The following RANBP2 variants were observed in gnomAD, a reference collection of about 807,000 sequenced individuals.
The protein encoded by RANBP2 is RAN binding protein 2, also known as E3 SUMO-protein ligase RanBP2.
Under a neutral mutation model 303.6 loss-of-function variants are expected in RANBP2, and 57 were observed. The observed-to-expected ratio is 0.19, with a 90% CI of 0.15 to 0.23. The LOEUF (loss-of-function observed/expected upper bound fraction) is 0.23, where lower values mean the gene tolerates loss of function less well. RANBP2 is among the 10% of genes least tolerant of loss of function. RANBP2 has a pLI of 1.00. For missense variants in RANBP2, 3,138 were observed against 3,780.8 expected (o/e 0.83, Z 4.46); for synonymous variants, 1,167 against 1,301.5 (o/e 0.90, Z 2.23).
chr2:109,182,026 A>T, the RANBP2 span, among the ~76,000 whole-genome samples: 1 of 152,342 alleles, frequency 6.6e-6, no homozygotes, highest in East Asian at 1.9e-4. Context: ...CTTCAAAAAA[A>T]TTATCTATGT....
the RANBP2 span, among the ~76,000 whole-genome samples, chr2:108,909,283 G>C: frequency 6.6e-6 from 1 of 152,212 alleles, no homozygotes; most frequent in Non-Finnish European, 1.5e-5. Context: ...ATAAGGCTGG[G>C]CTGGAGGCTG....
chr2:109,481,000 C>T, the RANBP2 span, among the ~76,000 whole-genome samples: 3 of 152,286 alleles, frequency 2.0e-5, no homozygotes, highest in East Asian at 1.9e-4. Context: ...AACTGAAGAG[C>T]CAAGCTGTGT....
the RANBP2 span, among the ~76,000 whole-genome samples, chr2:109,318,515 G>A: frequency 6.6e-4 from 101 of 152,336 alleles, no homozygotes; most frequent in Middle Eastern, 3.4e-3. Flanking sequence ...TTTGGCGACC[G>A]TGGGATAAAC....
At chr2:108,823,823 A>AT in the RANBP2 span, among the ~76,000 whole-genome samples, 1 of 152,164 alleles carries the variant, frequency 6.6e-6, no homozygotes, top group East Asian at 1.9e-4. Flanking sequence ...CTAAAAATAC[A>AT]GAAATTAGTT....
At chr2:109,412,152 C>T in the RANBP2 span, among the ~76,000 whole-genome samples, 2 of 152,236 alleles carry the variant, frequency 1.3e-5, no homozygotes, top group Non-Finnish European at 2.9e-5. Flanking sequence ...AGCCTTCGGC[C>T]GCCGTGGTCC....
the RANBP2 span, among the ~76,000 whole-genome samples, chr2:109,540,452 T>C: frequency 1.3e-5 from 2 of 152,336 alleles, no homozygotes; most frequent in South Asian, 2.1e-4. Context: ...CATAGGGATG[T>C]ATAGTTGAGA....
At chr2:109,259,050 G>C in the RANBP2 span, among the ~76,000 whole-genome samples, 2 of 152,242 alleles carry the variant, frequency 1.3e-5, no homozygotes, top group Non-Finnish European at 2.9e-5. Flanking sequence ...AGAGCCTTGT[G>C]CTGCCAGGGC....
At chr2:109,187,080 TG>T in the RANBP2 span, among the ~76,000 whole-genome samples, 10 of 150,026 alleles carry the variant, frequency 6.7e-5, no homozygotes, top group East Asian at 2.1e-3. Context: ...AAGCATATTT[TG>T]CTAGCATCAT....
the RANBP2 span, among the ~76,000 whole-genome samples, chr2:109,659,280 G>A: frequency 1.3e-5 from 2 of 150,096 alleles, no homozygotes; most frequent in South Asian, 4.2e-4. Flanking sequence ...GGGAGGCTGA[G>A]GCAGGAGAAT....
At chr2:108,725,237 C>T (rs908454557) in intron 1 of RANBP2, among the ~76,000 whole-genome samples, 13 of 152,160 alleles carry the variant, frequency 8.5e-5, no homozygotes, top group African/African-American at 2.9e-4. Flanking sequence ...ATGGGCTGTG[C>T]TCCTTCCTAG....
At chr2:109,200,997 G>T in the RANBP2 span, among the ~76,000 whole-genome samples, 2 of 152,116 alleles carry the variant, frequency 1.3e-5, no homozygotes, top group Admixed American at 1.3e-4. Flanking sequence ...GGACAAAGGG[G>T]CAGCAGCAGC....
the RANBP2 span, among the ~76,000 whole-genome samples, chr2:109,714,357 A>T: frequency 5.3e-5 from 8 of 152,000 alleles, no homozygotes; most frequent in Admixed American, 5.2e-4. Flanking sequence ...GCTGGAGTGC[A>T]GTGGTGTGAT....
chr2:108,887,405 T>A, the RANBP2 span, among the ~76,000 whole-genome samples: 1 of 152,184 alleles, frequency 6.6e-6, no homozygotes, highest in African/African-American at 2.4e-5. Context: ...TTTGATTCTG[T>A]GAAAAGTGAT....
At chr2:109,726,645 C>T in the RANBP2 span, among the ~76,000 whole-genome samples, 1 of 152,114 alleles carries the variant, frequency 6.6e-6, no homozygotes, top group African/African-American at 2.4e-5. Context: ...TCCTGCTAAC[C>T]AAGGAGTCTT....
the RANBP2 span, among the ~76,000 whole-genome samples, chr2:109,003,340 G>A: frequency 6.6e-6 from 1 of 152,124 alleles, no homozygotes; most frequent in South Asian, 2.1e-4. Context: ...CACATAGTAG[G>A]CCCTCAATAC....
the RANBP2 span, among the ~76,000 whole-genome samples, chr2:109,422,947 G>T: frequency 6.6e-6 from 1 of 152,270 alleles, no homozygotes; most frequent in Middle Eastern, 3.4e-3. Flanking sequence ...ACAGGCATCA[G>T]ACCGACACGC....
At chr2:109,261,807 G>A in the RANBP2 span, among the ~76,000 whole-genome samples, 4 of 152,076 alleles carry the variant, frequency 2.6e-5, no homozygotes, top group Non-Finnish European at 5.9e-5. Context: ...CACCCTACTG[G>A]TCAGCCTCCC....
At chr2:108,941,944 G>A in the RANBP2 span, among the ~76,000 whole-genome samples, 1 of 152,238 alleles carries the variant, frequency 6.6e-6, no homozygotes, top group Non-Finnish European at 1.5e-5. Context: ...GCTGCACAGA[G>A]AGGCCTGTCC....
the RANBP2 span, among the ~76,000 whole-genome samples, chr2:109,208,329 A>G: frequency 1.3e-5 from 2 of 152,238 alleles, no homozygotes; most frequent in Non-Finnish European, 2.9e-5. Flanking sequence ...CCTGGGCTCC[A>G]TGGCTGCTTT....
Sources: allele counts gnomAD v4.1 joint callset (sites outside exome capture counted in the v4.1 genomes callset), GRCh38; gene constraint gnomAD v4.1.1; transcripts MANE v1.5; gene names NCBI Gene and HGNC (gene_info 2026-07-23, HGNC 2026-07-21).